Variants in PTPN13 observed in about 807,000 individuals in gnomAD.
The protein encoded by PTPN13 is tyrosine-protein phosphatase non-receptor type 13.
PTPN13 carries 191 observed loss-of-function variants against 284.0 expected under a neutral mutation model. The observed-to-expected ratio is 0.67, with a 90% CI of 0.60 to 0.76. PTPN13 has a LOEUF of 0.76. Among genes scored for constraint, PTPN13 ranks in the 30% least tolerant of loss-of-function variants. The pLI, the probability that PTPN13 is intolerant of heterozygous loss-of-function variation, is 0.00. For missense variants in PTPN13, 2,797 were observed against 2,939.9 expected (o/e 0.95, Z 1.12); for synonymous variants, 986 against 1,022.3 (o/e 0.96, Z 0.68).
chr4:86,671,535 A>G (rs1215643352), intron 2 of PTPN13, among the ~76,000 whole-genome samples: 1 of 152,062 alleles, frequency 6.6e-6, no homozygotes, highest in Non-Finnish European at 1.5e-5. Flanking sequence ...CCTAATGTAC[A>G]GCTTTACTTC....
rs1447362360 is a variant in PTPN13 at position 86,614,054 on chromosome 4, A to C, written c.-6+19265A>C. Among the ~76,000 whole-genome samples the C allele has an allele frequency of 3.3e-5, 5 of 152,218 alleles. No homozygotes were observed. In the East Asian group the frequency reaches 9.6e-4, roughly 29 times the overall value. On this transcript the variant is annotated intron_variant, in intron 1 of 47. Coordinates refer to ENST00000411767, the MANE Select transcript of PTPN13 (RefSeq NM_080683.3). ...TATTGTTTTTAAGGGTAAGGGGCTCAGAGATACATAGCTAGGAAAAATAAG... is the reference window on the plus strand; with the variant it reads ...TATTGTTTTTAAGGGTAAGGGGCTCCGAGATACATAGCTAGGAAAAATAAG...
intron 1 of PTPN13, among the ~76,000 whole-genome samples, chr4:86,607,395 A>T (rs1193368077): frequency 2.0e-5 from 3 of 151,990 alleles, no homozygotes; most frequent in Admixed American, 2.0e-4. Context: ...GACTCCAATG[A>T]TAAGGTACTA....
chr4:86,762,814 C>A lies in PTPN13; in HGVS notation c.3641C>A (p.Ser1214Tyr). ...ATGCAAGACAGTGCTATAGATTCTT[C>A]TTCCAAGGATCACCACTGGTCACGT... ...SYMQDSAIDS[S>Y]SKDHHWSRGT... Residue 1214 changes from serine to tyrosine, a missense_variant, in exon 24 of 48, where the codon TCT becomes TAT. Ser to Tyr is a moderately radical substitution (Grantham distance 144). Coordinates refer to ENST00000411767, the MANE Select transcript of PTPN13 (RefSeq NM_080683.3). 3 of 1,613,856 alleles carry A rather than the reference C, an allele frequency of 1.9e-6. No homozygotes were observed. Among genetic ancestry groups the A allele is most frequent in the Non-Finnish European group, 2.5e-6 (3 of 1,179,798 alleles).
chr4:86,610,695 T>G (rs1030681972), intron 1 of PTPN13, among the ~76,000 whole-genome samples: 2 of 152,234 alleles, frequency 1.3e-5, no homozygotes. Context: ...AATGCAAATT[T>G]ACACTTTTGC....
chr4:86,805,756 A>G (rs1267392021), intron 44 of PTPN13, among the ~76,000 whole-genome samples: 1 of 152,134 alleles, frequency 6.6e-6, no homozygotes, highest in Admixed American at 6.5e-5. Context: ...ACTTATTTTT[A>G]GTTTAGAGAA....
At chr4:86,615,133 A>T (rs1408852737) in intron 1 of PTPN13, among the ~76,000 whole-genome samples, 1 of 152,056 alleles carries the variant, frequency 6.6e-6, no homozygotes, top group Non-Finnish European at 1.5e-5. Flanking sequence ...GGAACCAAGG[A>T]TTTATCGTGT....
intron 2 of PTPN13, among the ~76,000 whole-genome samples, chr4:86,655,218 A>G (rs999923891): frequency 3.3e-5 from 5 of 152,122 alleles, no homozygotes; most frequent in Non-Finnish European, 7.4e-5. Flanking sequence ...GTGTCTTTTA[A>G]TTTGAGTATT....
intron 17 of PTPN13, among the ~76,000 whole-genome samples, chr4:86,746,434 C>T (rs1268679606): frequency 6.6e-6 from 1 of 152,072 alleles, no homozygotes; most frequent in Non-Finnish European, 1.5e-5. Context: ...AATGTTTTCC[C>T]CATAAGGGCA....
Position 86,780,449 on chromosome 4 carries a change from C to T in PTPN13, c.5939C>T (p.Ala1980Val). 6.2e-7 allele frequency: 1 copy of T among 1,609,852 alleles called. No individual in the cohort carries two copies. The highest frequency in any genetic ancestry group is 8.5e-7 in the Non-Finnish European group (1 of 1,177,202). Residue 1980 changes from alanine (A) to valine (V), a missense_variant, in exon 36 of 48, where the codon GCT becomes GTT. Physicochemically the swap from Ala to Val is moderately conservative, Grantham distance 64. Transcript: ENST00000411767. Reference sequence around the variant, plus strand: ...AGCTCAAAGAGGTCTGCTGTTTCAGCTCCAAAGTCAACCAAAGGCAATGGT... The same window carrying T: ...AGCTCAAAGAGGTCTGCTGTTTCAGTTCCAAAGTCAACCAAAGGCAATGGT... ...VPSSKRSAVS[A>V]PKSTKGNGSY...
intron 31 of PTPN13, 135 bp downstream of exon 31, chr4:86,771,670 T>C: frequency 1.0e-6 from 1 of 974,392 alleles, no homozygotes; most frequent in South Asian, 1.9e-5. Flanking sequence ...GATGACTCTA[T>C]TGGATGTCTA....
At chr4:86,680,848 C>T (rs1438444535) in intron 3 of PTPN13, among the ~76,000 whole-genome samples, 1 of 152,212 alleles carries the variant, frequency 6.6e-6, no homozygotes, top group Non-Finnish European at 1.5e-5. Flanking sequence ...CAATGCCTTT[C>T]TCCCTGTTTT....
chr4:86,682,513 T>G (rs958501474), intron 3 of PTPN13, among the ~76,000 whole-genome samples: 3 of 152,284 alleles, frequency 2.0e-5, no homozygotes, highest in Admixed American at 2.0e-4. Flanking sequence ...TAATCCTGGA[T>G]TGTGGATTCC....
At chr4:86,805,233 A>T (rs1446330129) in intron 43 of PTPN13, 46 bp from the exon 44 acceptor site, 2 of 1,297,136 alleles carry the variant, frequency 1.5e-6, no homozygotes, top group Non-Finnish European at 2.2e-6. Context: ...GTTATTACTG[A>T]ATTACTGCTT....
At chr4:86,752,386 A>G (rs953565735) in intron 19 of PTPN13, among the ~76,000 whole-genome samples, 2 of 152,170 alleles carry the variant, frequency 1.3e-5, no homozygotes, top group African/African-American at 4.8e-5. Context: ...GGCTTTCGCA[A>G]CTTTCAGAGA....
intron 5 of PTPN13, among the ~76,000 whole-genome samples, chr4:86,690,716 T>G (rs886619664): frequency 5.3e-5 from 8 of 151,976 alleles, no homozygotes; most frequent in African/African-American, 1.9e-4. Flanking sequence ...TTGTGAGAGA[T>G]ATTTTTTTCT....
chr4:86,730,777 C>T (rs1046893605), intron 10 of PTPN13, among the ~76,000 whole-genome samples: 4 of 151,534 alleles, frequency 2.6e-5, no homozygotes, highest in Middle Eastern at 3.2e-3. Context: ...GGTGATGCCC[C>T]GTCCGGCTTC....
In PTPN13 at chr4:86,782,277, A is replaced by G. The variant is rs9993838; in HGVS notation, c.6024+15A>G. ...CATTCTCCACGGTAAGAAAAAGCCC[A>G]CCCTCTTTCATGTCATACCTCCTTA... is the stretch of plus-strand genomic sequence containing the variant. On this transcript the variant is annotated intron_variant, in intron 37 of 47. Coordinates refer to ENST00000411767, the MANE Select transcript of PTPN13 (RefSeq NM_080683.3). 2.7e-5 allele frequency: 42 copies of G among 1,583,390 alleles called. No homozygotes were observed. In the African/African-American group the frequency reaches 5.4e-4, roughly 20 times the overall value.
intron 15 of PTPN13, among the ~76,000 whole-genome samples, chr4:86,739,893 G>A (rs891611569): frequency 1.3e-5 from 2 of 152,148 alleles, no homozygotes; most frequent in East Asian, 3.9e-4. Context: ...CAGGTCCCAC[G>A]CAAGTCTGAA....
In PTPN13 at chr4:86,807,738, G is replaced by T. The variant is rs767061184; in HGVS notation, c.6924G>T (p.Met2308Ile). The stretch of plus-strand genomic sequence containing the variant: ...AAAAATCCACAGTGATAGCCATGAT[G>T]ACTCAAGAAGTAGAAGGAGAAAAAA... ...WEQKSTVIAM[M>I]TQEVEGEKIK... Residue 2308 changes from methionine (M) to isoleucine (I), a missense_variant, in exon 45 of 48, where the codon ATG becomes ATT. Coordinates refer to ENST00000411767, the MANE Select transcript of PTPN13 (RefSeq NM_080683.3). The T allele has an allele frequency of 3.7e-6, 6 of 1,613,876 alleles. No individual in the cohort carries two copies. In the Admixed American group the frequency reaches 1.0e-4, roughly 27 times the overall value.
Sources: allele counts gnomAD v4.1 joint callset (sites outside exome capture counted in the v4.1 genomes callset), GRCh38; gene constraint gnomAD v4.1.1; transcripts MANE v1.5; gene names NCBI Gene and HGNC (gene_info 2026-07-23, HGNC 2026-07-21).